Variants in SMCHD1 observed in about 807,000 individuals in gnomAD.
The protein encoded by SMCHD1 is structural maintenance of chromosomes flexible hinge domain containing 1.
In SMCHD1, 78 loss-of-function variants were observed where a neutral mutation model predicts 254.7. The observed-to-expected ratio is 0.31, with a 90% CI of 0.26 to 0.37. The LOEUF (loss-of-function observed/expected upper bound fraction) is 0.37. Ranked by LOEUF, SMCHD1 falls within the 10% of genes least tolerant of loss-of-function variation. The pLI is 1.00. For missense variants in SMCHD1, 1,840 were observed against 2,408.1 expected, an observed-to-expected ratio of 0.76 and a Z score of 4.94; for synonymous variants, 766 against 794.9, an observed-to-expected ratio of 0.96 and a Z score of 0.61.
chr18:2,706,343 T>C (rs745432515), intron 14 of SMCHD1, 21 bp from the exon 15 acceptor site: 2 of 1,465,038 alleles, frequency 1.4e-6, no homozygotes, highest in Non-Finnish European at 1.8e-6. Context: ...CTTTGAAATG[T>C]TGGTAAATGT....
chr18:2,685,193 G>A lies in SMCHD1; in HGVS notation c.639-3201G>A, dbSNP rs555756348. 9.5e-5 allele frequency among the ~76,000 whole-genome samples: 13 copies of A among 137,182 alleles called. No individual in the cohort carries two copies. In the East Asian group the frequency reaches 1.2e-3, roughly 12 times the overall value. The allele number at this position is 137,182 out of a possible 152,430, so 90.0% of individuals were successfully genotyped here. On this transcript the variant is annotated intron_variant, in intron 5 of 47. Coordinates refer to ENST00000320876, the MANE Select transcript of SMCHD1 (RefSeq NM_015295.3). ...CGGCTCACTGCAAACTCTGCCTCCC[G>A]GGTTCACGCCATTCTCCGGCCTCAG...
chr18:2,756,930 C>T (rs1411208735), intron 34 of SMCHD1, among the ~76,000 whole-genome samples: 3 of 152,006 alleles, frequency 2.0e-5, no homozygotes, highest in African/African-American at 4.8e-5. Context: ...CTTGATTAAT[C>T]GTAGTAAGAG....
chr18:2,723,473 G>A (rs949614814), intron 20 of SMCHD1, among the ~76,000 whole-genome samples: 1 of 151,882 alleles, frequency 6.6e-6, no homozygotes, highest in South Asian at 2.1e-4. Flanking sequence ...CATTGTTGGG[G>A]GAAATCCTGT....
At chr18:2,722,776 A>G in intron 20 of SMCHD1, 113 bp downstream of exon 20, 2 of 877,780 alleles carry the variant, frequency 2.3e-6, no homozygotes, top group Non-Finnish European at 3.3e-6. Flanking sequence ...TATTTAAAAT[A>G]TTAGTGAATT....
At chr18:2,760,240 G>A (rs2075762593) in intron 34 of SMCHD1, among the ~76,000 whole-genome samples, 1 of 152,118 alleles carries the variant, frequency 6.6e-6, no homozygotes, top group South Asian at 2.1e-4. Context: ...ATTTCAAATA[G>A]TACTTGAATG....
chr18:2,745,309 G>A (rs117661969), intron 29 of SMCHD1, among the ~76,000 whole-genome samples: 2,741 of 152,272 alleles, frequency 0.018, 40 homozygotes, highest in Middle Eastern at 0.1. Context: ...GTGAGCCACC[G>A]TTCCCAGCCC....
chr18:2,751,385 C>A lies in SMCHD1; in HGVS notation c.4273C>A (p.Pro1425Thr). 1 of 1,554,482 alleles carries A rather than the reference C, an allele frequency of 6.4e-7. No individual in the cohort carries two copies. The highest frequency in any genetic ancestry group is 8.7e-7 in the Non-Finnish European group (1 of 1,156,052). Reference sequence around the variant, plus strand: ...GCTGTCTACCAGTGGGAACCGACCCCCAGCAAATGTGAGTCATGGGAAGCA... The same window carrying A: ...GCTGTCTACCAGTGGGAACCGACCCACAGCAAATGTGAGTCATGGGAAGCA... ...WKLSTSGNRP[P>T]ANAETFSCNK... The change falls in exon 33 of 48, where the codon CCA (proline) becomes ACA (threonine). Residue 1425 changes from proline (P) to threonine (T), a missense_variant. This residue lies in a region of SMCHD1 where 881 missense variants were observed against 1,009.5 expected (regional missense o/e 0.87). Transcript: ENST00000320876.
intron 3 of SMCHD1, among the ~76,000 whole-genome samples, chr18:2,669,381 T>C (rs1251155965): frequency 5.3e-5 from 8 of 152,170 alleles, no homozygotes. Context: ...ATTTTCTTTG[T>C]AGAGATGGAG....
At chr18:2,736,793 T>C (rs2075258711) in intron 25 of SMCHD1, among the ~76,000 whole-genome samples, 1 of 152,236 alleles carries the variant, frequency 6.6e-6, no homozygotes, top group South Asian at 2.1e-4. Flanking sequence ...ACTTATGCAC[T>C]GTCGGTTGGA....
At chr18:2,698,866 A>G (rs959111945) in intron 10 of SMCHD1, among the ~76,000 whole-genome samples, 3 of 151,708 alleles carry the variant, frequency 2.0e-5, no homozygotes, top group East Asian at 3.9e-4. Context: ...TTTTTTTAAT[A>G]TGAGTAATGA....
intron 34 of SMCHD1, among the ~76,000 whole-genome samples, chr18:2,759,473 C>CG (rs1294563193): frequency 7.7e-6 from 1 of 130,390 alleles, no homozygotes; most frequent in African/African-American, 2.8e-5. Flanking sequence ...CTTGTTAACT[C>CG]TAACATTTTC....
chr18:2,724,707 T>TATTA (rs1303560765), intron 20 of SMCHD1, among the ~76,000 whole-genome samples, 192 bp from the exon 21 acceptor site: 1 of 152,160 alleles, frequency 6.6e-6, no homozygotes, highest in Non-Finnish European at 1.5e-5. Context: ...TGGTATCACT[T>TATTA]ATTAATACTT....
chr18:2,734,913 T>C (rs997456221), intron 25 of SMCHD1, among the ~76,000 whole-genome samples: 1 of 151,090 alleles, frequency 6.6e-6, no homozygotes, highest in African/African-American at 2.4e-5. Context: ...ACTAGAAAAA[T>C]ACAAAAATTT....
rs543564714 is a variant in SMCHD1 at position 2,705,910 on chromosome 18, T to G, written c.1956+103T>G. On this transcript the variant is annotated intron_variant, in intron 14 of 47. Coordinates refer to ENST00000320876, the MANE Select transcript of SMCHD1 (RefSeq NM_015295.3). ...CGCTAGTGACTAGTTTTCCATTGGA[T>G]AAAGTGGTTGTAGTTTTTGTGTGGA... The G allele has an allele frequency of 4.1e-4, 255 of 624,220 alleles. 1 individual carries two copies. Among genetic ancestry groups the G allele is most frequent in the Non-Finnish European group, 5.8e-4 (215 of 371,874 alleles). 38.7% of individuals were successfully genotyped at this position (624,220 alleles called of 1,614,324 possible).
At chr18:2,702,990 T>C (rs1248597845) in intron 12 of SMCHD1, among the ~76,000 whole-genome samples, 1 of 152,230 alleles carries the variant, frequency 6.6e-6, no homozygotes, top group African/African-American at 2.4e-5. Flanking sequence ...TACAGATTTC[T>C]GTATTCTCTC....
intron 1 of SMCHD1, among the ~76,000 whole-genome samples, chr18:2,661,499 T>C (rs1343435667): frequency 6.6e-6 from 1 of 152,062 alleles, no homozygotes; most frequent in Non-Finnish European, 1.5e-5. Context: ...GTTTTTAATA[T>C]GGATTAAAAA....
At chr18:2,758,782 G>A (rs2075728900) in intron 34 of SMCHD1, among the ~76,000 whole-genome samples, 1 of 151,870 alleles carries the variant, frequency 6.6e-6, no homozygotes, top group Admixed American at 6.6e-5. Flanking sequence ...TGGTTATTTT[G>A]TGGTTGGTTC....
intron 33 of SMCHD1, among the ~76,000 whole-genome samples, chr18:2,752,148 A>G (rs575164414): frequency 1.3e-5 from 2 of 152,278 alleles, no homozygotes; most frequent in African/African-American, 4.8e-5. Flanking sequence ...GTTCATTTTA[A>G]TCATTGGTTT....
chr18:2,670,900 TA>T (rs372225530), intron 3 of SMCHD1, among the ~76,000 whole-genome samples: 1,333 of 116,518 alleles, frequency 0.011, 21 homozygotes, highest in African/African-American at 0.034. Context: ...AGACTGCATC[TA>T]AAAAAAAAAA....
Sources: gnomAD v4.1 joint callset for allele counts (sites outside exome capture counted in the v4.1 genomes callset) on GRCh38, gnomAD v4.1.1 for gene constraint, gnomAD v4.1.1 regional missense constraint, MANE v1.5 for transcripts, NCBI Gene and HGNC (gene_info 2026-07-23, HGNC 2026-07-21) for gene names.